Variants in SCRT1 observed in about 807,000 individuals in gnomAD.
SCRT1 encodes the protein scratch family transcriptional repressor 1.
A neutral mutation model predicts 3.4 loss-of-function variants in SCRT1; 1 was observed. The ratio of observed to expected loss-of-function variants is 0.29; its 90% CI spans 0.10 to 1.39. The LOEUF is 1.39. Among genes scored for constraint, SCRT1 ranks in the 40% most tolerant of loss-of-function variants. The pLI is 0.42. For missense variants in SCRT1, 380 were observed against 526.3 expected (o/e 0.72, Z 2.72); for synonymous variants, 238 against 247.0 (o/e 0.96, Z 0.34).
rs1334961449 is a variant in SCRT1 at position 144,333,054 on chromosome 8, A to G, written c.*131T>C. On this transcript the variant is annotated 3_prime_UTR_variant, in exon 2 of 2. Coordinates refer to ENST00000569446, the MANE Select transcript of SCRT1 (RefSeq NM_031309.6). ...CCCCTGGCGGGCGGGGCGGGGTGGG[A>G]CCGGGCCCCCCTCCCCCTATTGCTG... 6.4e-6 allele frequency: 5 copies of G among 778,626 alleles called. No homozygotes were observed. The African/African-American group carries it at 7.6e-5, about 12-fold the overall frequency. The allele number at this position is 778,626 out of a possible 1,614,324, so 48.2% of individuals were successfully genotyped here.
In SCRT1 at chr8:144,332,957, C is replaced by G. The variant is rs1204797916; in HGVS notation, c.*228G>C. The G allele has an allele frequency of 2.0e-5, 10 of 492,346 alleles. No homozygotes were observed. The highest frequency in any genetic ancestry group is 3.5e-5 in the Non-Finnish European group (10 of 282,060). 30.5% of individuals were successfully genotyped at this position (492,346 alleles called of 1,614,324 possible). A position where few individuals can be genotyped will look rare whatever the true frequency, so the allele number is the denominator to read the frequency against. On this transcript the variant is annotated 3_prime_UTR_variant, in exon 2 of 2. Coordinates refer to ENST00000569446, the MANE Select transcript of SCRT1 (RefSeq NM_031309.6). ...ATTGCTGGGAGAAAGCCGGGGGCAC[C>G]CTGGAGGGGAGGGGAGGGGGCTCGG... is the stretch of plus-strand genomic sequence containing the variant.
Position 144,332,925 on chromosome 8 carries a change from C to T in SCRT1, c.*260G>A, listed in dbSNP as rs1170589029. Reference sequence around the variant, plus strand: ...GATGAGGTTCGGTTCTAGGTCTCGTCGACCCTATTGCTGGGAGAAAGCCGG... The same window carrying T: ...GATGAGGTTCGGTTCTAGGTCTCGTTGACCCTATTGCTGGGAGAAAGCCGG... On this transcript the variant is annotated 3_prime_UTR_variant, in exon 2 of 2. Coordinates refer to ENST00000569446, the MANE Select transcript of SCRT1 (RefSeq NM_031309.6). 10 of 461,640 alleles carry T rather than the reference C, an allele frequency of 2.2e-5. No homozygotes were observed. Among genetic ancestry groups the T allele is most frequent in the Non-Finnish European group, 3.4e-5 (9 of 262,540 alleles). The allele number at this position is 461,640 out of a possible 1,614,324, so 28.6% of individuals were successfully genotyped here. A position where few individuals can be genotyped will look rare whatever the true frequency, so the allele number is the denominator to read the frequency against.
Position 144,333,341 on chromosome 8 carries a change from C to G in SCRT1, c.891G>C (p.Thr297=), listed in dbSNP as rs1817824628. The change falls in exon 2 of 2, where the codon ACG becomes ACC. Residue 297 remains threonine (T), a synonymous_variant. Coordinates refer to ENST00000569446, the MANE Select transcript of SCRT1 (RefSeq NM_031309.6). ...DRSNLRAHMQ[T]HSAFKHFQCK... is the part of the protein sequence containing the mutation. ...ACTGGAAGTGCTTGAAGGCCGAATG[C>G]GTCTGCATGTGCGCGCGCAGGTTGG... is the stretch of plus-strand genomic sequence containing the variant. 1 of 1,612,390 alleles carries G rather than the reference C, an allele frequency of 6.2e-7. No individual in the cohort carries two copies. Among genetic ancestry groups the G allele is most frequent in the Non-Finnish European group, 8.5e-7 (1 of 1,179,580 alleles).
rs975670607 is a variant in SCRT1, at chr8:144,336,398, C to T, written c.-229G>A. ...CCTTCCTTCAATCCTTCCTTCCTTC[C>T]TTCAATCCTTCCTTCCTTCTCTCCT... On this transcript the variant is annotated 5_prime_UTR_variant, in exon 1 of 2. Transcript: ENST00000569446. The surrounding 1 kb of genome is among the most constrained non-coding windows in gnomAD (Gnocchi z 6.8). 2.8e-5 allele frequency: 13 copies of T among 458,838 alleles called. No individual in the cohort carries two copies. Among genetic ancestry groups the T allele is most frequent in the Non-Finnish European group, 5.1e-5 (13 of 255,776 alleles). 28.4% of individuals were successfully genotyped at this position (458,838 alleles called of 1,614,324 possible). A position where few individuals can be genotyped will look rare whatever the true frequency, so the allele number is the denominator to read the frequency against.
chr8:144,334,199 C>T, intron 1 of SCRT1, 83 bp from the exon 2 acceptor site: 1 of 926,062 alleles, frequency 1.1e-6, no homozygotes, highest in South Asian at 1.6e-5. Flanking sequence ...CGGGAGACAG[C>T]AGACGCGGAC....
rs1817872647 is a variant in SCRT1, at chr8:144,335,298, G to A, written c.115+757C>T. Among the ~76,000 whole-genome samples, 1 of 152,100 alleles carries A rather than the reference G, an allele frequency of 6.6e-6. No individual in the cohort carries two copies. Among genetic ancestry groups the A allele is most frequent in the Non-Finnish European group, 1.5e-5 (1 of 68,006 alleles). On this transcript the variant is annotated intron_variant, in intron 1 of 1. Coordinates refer to ENST00000569446, the MANE Select transcript of SCRT1 (RefSeq NM_031309.6). This position sits in a 1 kb window ranked among gnomAD's most constrained non-coding sequence, Gnocchi z 7.7. ...CACACACACACAGGGTCACACACAAGCGCACACGGTCACATGGCCACACAC... is the reference window on the plus strand; with the variant it reads ...CACACACACACAGGGTCACACACAAACGCACACGGTCACATGGCCACACAC...
Position 144,333,220 on chromosome 8 carries a change from G to C in SCRT1, c.1012C>G (p.Pro338Ala), listed in dbSNP as rs782161691. 1.9e-6 allele frequency: 3 copies of C among 1,587,598 alleles called. No homozygotes were observed. The highest frequency in any genetic ancestry group is 2.6e-6 in the Non-Finnish European group (3 of 1,169,514). Residue 338 changes from proline (P) to alanine (A), a missense_variant, in exon 2 of 2, where the codon CCT (proline) becomes GCT (alanine). Coordinates refer to ENST00000569446, the MANE Select transcript of SCRT1 (RefSeq NM_031309.6). ...ACAGGGCTGAGCTGTGGCGGCGCAG[G>C]AGCCGCGGGGCCTCCGGCGCCGCCC... Reference protein sequence around the residue: ...FKGGAGGPAAPAPPQLSPVQA With the variant: ...FKGGAGGPAAAAPPQLSPVQA
In SCRT1 at chr8:144,336,287, C is replaced by A. The variant is rs904408976; in HGVS notation, c.-118G>T. ...GAGGCAGCGCGGGTCCCCACTCTGG[C>A]CTTTGGATGCTGCCGCGCGAGTGGT... On this transcript the variant is annotated 5_prime_UTR_variant, in exon 1 of 2. Coordinates refer to ENST00000569446, the MANE Select transcript of SCRT1 (RefSeq NM_031309.6). This position sits in a 1 kb window ranked among gnomAD's most constrained non-coding sequence, Gnocchi z 6.8. 2.9e-6 allele frequency: 2 copies of A among 690,592 alleles called. No individual in the cohort carries two copies. Among genetic ancestry groups the A allele is most frequent in the Non-Finnish European group, 4.8e-6 (2 of 419,384 alleles). 42.8% of individuals were successfully genotyped at this position (690,592 alleles called of 1,614,324 possible).
rs1281320785 is a variant in SCRT1 at position 144,336,208 on chromosome 8, C to T, written c.-39G>A. On this transcript the variant is annotated 5_prime_UTR_variant, in exon 1 of 2. Transcript: ENST00000569446. The surrounding 1 kb of genome is among the most constrained non-coding windows in gnomAD (Gnocchi z 6.8). ...CTCCGGCGCTGTGGGCCTGCGGAGC[C>T]GGGGCTTGGGGGGGCTGCGGCGGCA... 2.2e-5 allele frequency: 32 copies of T among 1,466,154 alleles called. No homozygotes were observed. The highest frequency in any genetic ancestry group is 2.9e-5 in the Non-Finnish European group (31 of 1,080,322). 90.8% of individuals were successfully genotyped at this position (1,466,154 alleles called of 1,614,324 possible).
Position 144,333,941 on chromosome 8 carries a change from A to C in SCRT1, c.291T>G (p.Ala97=), listed in dbSNP as rs1817844756. The change falls in exon 2 of 2, where the codon GCT becomes GCG. Residue 97 remains alanine (A), a synonymous_variant. Transcript: ENST00000569446. ...PPTPRPELAT[A]AGGYINGDAA... ...CGTCGCCGTTGATGTAGCCGCCCGC[A>C]GCGGTGGCCAGCTCCGGGCGCGGGG... 7.5e-7 allele frequency: 1 copy of C among 1,326,886 alleles called. No individual in the cohort carries two copies. The highest frequency in any genetic ancestry group is 9.6e-7 in the Non-Finnish European group (1 of 1,040,238). The allele number at this position is 1,326,886 out of a possible 1,614,324, so 82.2% of individuals were successfully genotyped here.
Position 144,333,094 on chromosome 8 carries a change from C to T in SCRT1, c.*91G>A, listed in dbSNP as rs1817815618. ...CCCTATTGCTGTGAGGAGGGGCCCG[C>T]CCTCCGGCCCCTCCACCCGGACGCC... On this transcript the variant is annotated 3_prime_UTR_variant, in exon 2 of 2. Coordinates refer to ENST00000569446, the MANE Select transcript of SCRT1 (RefSeq NM_031309.6). 1 of 1,138,784 alleles carries T rather than the reference C, an allele frequency of 8.8e-7. No homozygotes were observed. The highest frequency in any genetic ancestry group is 2.9e-5 in the Admixed American group (1 of 34,076). 70.5% of individuals were successfully genotyped at this position (1,138,784 alleles called of 1,614,324 possible). A position where few individuals can be genotyped will look rare whatever the true frequency, so the allele number is the denominator to read the frequency against.
chr8:144,333,728 G>C lies in SCRT1; in HGVS notation c.504C>G (p.Gly168=), dbSNP rs561828722. 35,882 of 1,102,402 alleles carry C rather than the reference G, an allele frequency of 0.033. 683 individuals carry two copies. Among genetic ancestry groups the C allele is most frequent in the Non-Finnish European group, 0.036 (32,918 of 907,022 alleles). The allele number at this position is 1,102,402 out of a possible 1,614,324, so 68.3% of individuals were successfully genotyped here. A position where few individuals can be genotyped will look rare whatever the true frequency, so the allele number is the denominator to read the frequency against. Residue 168 remains glycine, a synonymous_variant, in exon 2 of 2, where the codon GGC becomes GGG. Coordinates refer to ENST00000569446, the MANE Select transcript of SCRT1 (RefSeq NM_031309.6). ...RSLGSGPGGR[G]GTRAGAGTEA... ...CGGTGCCTGCCCCCGCGCGCGTGCC[G>C]CCCCGGCCCCCCGGCCCGGATCCCA... is the stretch of plus-strand genomic sequence containing the variant.
rs369439798 is a variant in SCRT1, at chr8:144,336,127, A to G, written c.43T>C (p.Phe15Leu). ...FLVKKVKLDA[F>L]SSADLESAYG... is the part of the protein sequence containing the mutation. The stretch of plus-strand genomic sequence containing the variant: ...GCGCTCTCCAGGTCGGCCGAAGAGA[A>G]CGCGTCAAGTTTGACCTTCTTGACC... Residue 15 changes from phenylalanine (F) to leucine (L), a missense_variant, in exon 1 of 2, where the codon TTC (phenylalanine) becomes CTC (leucine). Coordinates refer to ENST00000569446, the MANE Select transcript of SCRT1 (RefSeq NM_031309.6). This position sits in a 1 kb window ranked among gnomAD's most constrained non-coding sequence, Gnocchi z 6.8. 1.7e-4 allele frequency: 271 copies of G among 1,610,586 alleles called. No homozygotes were observed. The highest frequency in any genetic ancestry group is 2.2e-4 in the Non-Finnish European group (264 of 1,178,806).
rs1444602796 is a variant in SCRT1 at position 144,332,160 on chromosome 8, G to A, written c.*1025C>T. On this transcript the variant is annotated 3_prime_UTR_variant, in exon 2 of 2. Coordinates refer to ENST00000569446, the MANE Select transcript of SCRT1 (RefSeq NM_031309.6). Reference sequence around the variant, plus strand: ...CCTCGGGGCGTGGAAAGTAATCCCGGACATCCCAGGCCCCCGGCGTCGGCG... The same window carrying A: ...CCTCGGGGCGTGGAAAGTAATCCCGAACATCCCAGGCCCCCGGCGTCGGCG... 1.3e-5 allele frequency: 2 copies of A among 152,234 alleles called. No individual in the cohort carries two copies. Among genetic ancestry groups the A allele is most frequent in the Non-Finnish European group, 2.9e-5 (2 of 68,056 alleles). 9.4% of individuals were successfully genotyped at this position (152,234 alleles called of 1,614,324 possible). A position where few individuals can be genotyped will look rare whatever the true frequency, so the allele number is the denominator to read the frequency against.
At position 144,335,526 on chromosome 8, in the gene SCRT1, C is replaced by A. The variant is rs564571315; in HGVS notation, c.115+529G>T. ...CTCCTCCCTGCTTCCTCTCCCTGAC[C>A]CAGGCTTCAGGGAAGAGACTGCTGC... is the stretch of plus-strand genomic sequence containing the variant. On this transcript the variant is annotated intron_variant, in intron 1 of 1. Coordinates refer to ENST00000569446, the MANE Select transcript of SCRT1 (RefSeq NM_031309.6). This position sits in a 1 kb window ranked among gnomAD's most constrained non-coding sequence, Gnocchi z 7.7. Among the ~76,000 whole-genome samples the A allele has an allele frequency of 6.6e-6, 1 of 152,312 alleles. No homozygotes were observed. The highest frequency in any genetic ancestry group is 1.5e-5 in the Non-Finnish European group (1 of 68,010).
Position 144,336,438 on chromosome 8 carries a change from T to TCTTCC in SCRT1, c.-274_-270dup, listed in dbSNP as rs1554850293. 6.6e-6 allele frequency among the ~76,000 whole-genome samples: 1 copy of TCTTCC among 151,932 alleles called. No individual in the cohort carries two copies. The highest frequency in any genetic ancestry group is 1.5e-5 in the Non-Finnish European group (1 of 67,930). On this transcript the variant is annotated 5_prime_UTR_variant, in exon 1 of 2. Coordinates refer to ENST00000569446, the MANE Select transcript of SCRT1 (RefSeq NM_031309.6). This position sits in a 1 kb window ranked among gnomAD's most constrained non-coding sequence, Gnocchi z 6.8. Reference sequence around the variant, plus strand: ...CCTTCTCTCCTCTTCTCTCCTCTCCTCTTCCTTCCTTCCCTCCTCTGGTCC... The same window carrying TCTTCC: ...CCTTCTCTCCTCTTCTCTCCTCTCCTCTTCCCTTCCTTCCTTCCCTCCTCTGGTCC...
At position 144,332,939 on chromosome 8, in the gene SCRT1, G is replaced by C; in HGVS notation, c.*246C>G. 2.1e-6 allele frequency: 1 copy of C among 480,702 alleles called. No individual in the cohort carries two copies. The highest frequency in any genetic ancestry group is 5.3e-4 in the Middle Eastern group (1 of 1,882). The allele number at this position is 480,702 out of a possible 1,614,324, so 29.8% of individuals were successfully genotyped here. A position where few individuals can be genotyped will look rare whatever the true frequency, so the allele number is the denominator to read the frequency against. ...CTAGGTCTCGTCGACCCTATTGCTG[G>C]GAGAAAGCCGGGGGCACCCTGGAGG... is the stretch of plus-strand genomic sequence containing the variant. On this transcript the variant is annotated 3_prime_UTR_variant, in exon 2 of 2. Transcript: ENST00000569446.
Position 144,336,411 on chromosome 8 carries a change from T to G in SCRT1, c.-242A>C. ...CTTCCTTCCTTCCTTCAATCCTTCC[T>G]TCCTTCTCTCCTCTTCTCTCCTCTC... On this transcript the variant is annotated 5_prime_UTR_variant, in exon 1 of 2. Transcript: ENST00000569446. The surrounding 1 kb of genome is among the most constrained non-coding windows in gnomAD (Gnocchi z 6.8). 2.4e-6 allele frequency: 1 copy of G among 419,674 alleles called. No homozygotes were observed. Among genetic ancestry groups the G allele is most frequent in the Non-Finnish European group, 4.3e-6 (1 of 230,800 alleles). The allele number at this position is 419,674 out of a possible 1,614,324, so 26.0% of individuals were successfully genotyped here. A position where few individuals can be genotyped will look rare whatever the true frequency, so the allele number is the denominator to read the frequency against.
Position 144,333,978 on chromosome 8 carries a change from G to A in SCRT1, c.254C>T (p.Ala85Val). 1.4e-6 allele frequency: 2 copies of A among 1,397,396 alleles called. No individual in the cohort carries two copies. Among genetic ancestry groups the A allele is most frequent in the Non-Finnish European group, 1.9e-6 (2 of 1,077,916 alleles). 86.6% of individuals were successfully genotyped at this position (1,397,396 alleles called of 1,614,324 possible). ...GELGPAAAGS[A>V]PPPTPRPELA... ...CTCCGGGCGCGGGGTGGGCGGCGGC[G>A]CAGACCCTGCAGCCGCCGGACCCAG... Residue 85 changes from alanine to valine, a missense_variant, in exon 2 of 2, where the codon GCG (alanine) becomes GTG (valine). Transcript: ENST00000569446.
Sources: allele counts gnomAD v4.1 joint callset (sites outside exome capture counted in the v4.1 genomes callset), GRCh38; gene constraint gnomAD v4.1.1; non-coding constraint Gnocchi (gnomAD v3.1); transcripts MANE v1.5; gene names NCBI Gene and HGNC (gene_info 2026-07-23, HGNC 2026-07-21).